The following MYH14 variants were observed in gnomAD, a reference collection of about 807,000 sequenced individuals.
MYH14 encodes the protein myosin heavy chain 14.
In MYH14, 123 loss-of-function variants were observed where a neutral mutation model predicts 255.5. The ratio of observed to expected loss-of-function variants is 0.48; its 90% CI spans 0.42 to 0.56. The LOEUF is 0.56. MYH14 is among the 20% of genes least tolerant of loss of function. The pLI is 0.00. For synonymous variants in MYH14, 1,095 were observed against 1,161.2 expected (o/e 0.94, Z 1.16); for missense variants, 2,423 against 2,802.3 (o/e 0.86, Z 3.06).
chr19:50,232,472 T>C (rs1405354469), intron 10 of MYH14, among the ~76,000 whole-genome samples: 1 of 151,510 alleles, frequency 6.6e-6, no homozygotes, highest in African/African-American at 2.4e-5. Flanking sequence ...TGGGCACCTG[T>C]AATCCCAGCT....
Position 50,260,758 on chromosome 19 carries a change from T to TGC in MYH14, c.2424+44_2424+45insCG, listed in dbSNP as rs1555768401. On this transcript the variant is annotated intron_variant, in intron 20 of 42. Transcript: ENST00000642316. Reference sequence around the variant, plus strand: ...TGGAATGCGTGTGTGCGTGTGTGTGTGTGCGTGCATGAGTGTGCGTGCATG... The same window carrying TGC: ...TGGAATGCGTGTGTGCGTGTGTGTGTGCGTGCGTGCATGAGTGTGCGTGCATG... 121 of 1,452,056 alleles carry TGC rather than the reference T, an allele frequency of 8.3e-5. 1 individual carries two copies. In the East Asian group the frequency reaches 1.4e-3, roughly 16 times the overall value. The allele number at this position is 1,452,056 out of a possible 1,614,324, so 89.9% of individuals were successfully genotyped here. A position where few individuals can be genotyped will look rare whatever the true frequency, so the allele number is the denominator to read the frequency against.
intron 26 of MYH14, among the ~76,000 whole-genome samples, chr19:50,272,302 G>A (rs548358762): frequency 6.6e-6 from 1 of 152,182 alleles, no homozygotes; most frequent in South Asian, 2.1e-4. Context: ...GAGGAGGCAG[G>A]GCTGTAGACA....
At chr19:50,251,805 T>G (rs1424653138) in intron 15 of MYH14, among the ~76,000 whole-genome samples, 1 of 152,180 alleles carries the variant, frequency 6.6e-6, no homozygotes, top group African/African-American at 2.4e-5. Context: ...CTCGAACTCC[T>G]GACCTCAGTT....
intron 35 of MYH14, among the ~76,000 whole-genome samples, chr19:50,290,367 G>A (rs2036031068): frequency 6.6e-6 from 1 of 152,148 alleles, no homozygotes; most frequent in Non-Finnish European, 1.5e-5. Flanking sequence ...TTCAGTCCAG[G>A]AACTTCCCAT....
intron 10 of MYH14, among the ~76,000 whole-genome samples, chr19:50,241,288 AG>A (rs1233163316): frequency 4.6e-5 from 7 of 152,278 alleles, no homozygotes; most frequent in Middle Eastern, 6.8e-3. Flanking sequence ...TACAAAAATT[AG>A]CTGGGCGTGT....
chr19:50,207,312 AG>A (rs2031857857), intron 1 of MYH14, among the ~76,000 whole-genome samples: 1 of 148,248 alleles, frequency 6.7e-6, no homozygotes, highest in Non-Finnish European at 1.5e-5. Flanking sequence ...AGAGAGAGAG[AG>A]ACTAGGGGCA....
Position 50,278,279 on chromosome 19 carries a change from A to G in MYH14, c.4022A>G (p.Gln1341Arg), listed in dbSNP as rs781755990. The change falls in exon 30 of 43, where the codon CAG becomes CGG. Residue 1341 changes from glutamine (Q) to arginine (R), a missense_variant. Gln to Arg is a conservative substitution (Grantham distance 43, BLOSUM62 1). Around this residue, in one of 3 missense-constraint regions of MYH14, gnomAD observed 1,513 missense variants for 1,674.8 expected, o/e 0.90. Coordinates refer to ENST00000642316, the MANE Select transcript of MYH14 (RefSeq NM_001145809.2). ...RARAEAAEKL[Q>R]RAQAELENVS... ...CGAGCGGAGGCTGCTGAGAAGCTGC[A>G]GCGAGCCCAGGTAAGTGGGGTGGGC... 8.4e-6 allele frequency: 13 copies of G among 1,552,302 alleles called. No homozygotes were observed. The highest frequency in any genetic ancestry group is 1.2e-5 in the South Asian group (1 of 84,316).
intron 17 of MYH14, 144 bp downstream of exon 17, chr19:50,255,462 C>T (rs2034559913): frequency 1.5e-6 from 1 of 664,202 alleles, no homozygotes; most frequent in African/African-American, 1.8e-5. Flanking sequence ...TTGTTGGCTC[C>T]CTTGGAAGTT....
intron 21 of MYH14, among the ~76,000 whole-genome samples, chr19:50,263,075 C>A (rs1339374448): frequency 1.3e-5 from 2 of 152,090 alleles, no homozygotes; most frequent in African/African-American, 2.4e-5. Context: ...TGGCACGCAC[C>A]TGTAATCCTA....
At chr19:50,290,812 C>A in intron 35 of MYH14, 75 bp from the exon 36 acceptor site, 1 of 1,457,666 alleles carries the variant, frequency 6.9e-7, no homozygotes, top group Non-Finnish European at 9.2e-7. Flanking sequence ...CCAGGGCAGA[C>A]ATCCATGTCC....
Position 50,230,710 on chromosome 19 carries a change from G to A in MYH14, c.973+87G>A. The A allele has an allele frequency of 9.8e-6, 11 of 1,118,890 alleles. No homozygotes were observed. Among genetic ancestry groups the A allele is most frequent in the Non-Finnish European group, 1.4e-5 (11 of 770,220 alleles). 69.3% of individuals were successfully genotyped at this position (1,118,890 alleles called of 1,614,324 possible). ...GGCCCCTTCTGGGGAGGAAGCAAGA[G>A]TGGGGGGCTCTAATATCCGTCAAAC... On this transcript the variant is annotated intron_variant, in intron 9 of 42. Coordinates refer to ENST00000642316, the MANE Select transcript of MYH14 (RefSeq NM_001145809.2). The surrounding 1 kb of genome is among the most constrained non-coding windows in gnomAD (Gnocchi z 4.7).
rs2035902945 is a variant in MYH14 at position 50,286,701 on chromosome 19, A to C, written c.4752+7A>C. ...GGATGACGTCGGCAAGAGCGTGAGC[A>C]GGGCCCCCGCTCCCCGGGACACACT... On this transcript the variant is annotated splice_region_variant and intron_variant, in intron 34 of 42. Coordinates refer to ENST00000642316, the MANE Select transcript of MYH14 (RefSeq NM_001145809.2). The C allele has an allele frequency of 6.4e-7, 1 of 1,562,248 alleles. No individual in the cohort carries two copies. Among genetic ancestry groups the C allele is most frequent in the South Asian group, 1.2e-5 (1 of 84,844 alleles).
intron 16 of MYH14, among the ~76,000 whole-genome samples, chr19:50,253,687 T>C (rs2034485996): frequency 6.6e-6 from 1 of 152,182 alleles, no homozygotes; most frequent in Non-Finnish European, 1.5e-5. Context: ...CTAGGGGTCA[T>C]AGGCAGAGAT....
In MYH14 at chr19:50,310,068, C is replaced by A; in HGVS notation, c.*278C>A. ...AGTTGGCAAGCTGTGTTTCCATCAGCTCCCTGTCCTCCTTTCTTCCCTCGT... is the reference window on the plus strand; with the variant it reads ...AGTTGGCAAGCTGTGTTTCCATCAGATCCCTGTCCTCCTTTCTTCCCTCGT... On this transcript the variant is annotated 3_prime_UTR_variant, in exon 43 of 43. Coordinates refer to ENST00000642316, the MANE Select transcript of MYH14 (RefSeq NM_001145809.2). The A allele has an allele frequency of 1.8e-6, 1 of 551,354 alleles. No individual in the cohort carries two copies. 34.2% of individuals were successfully genotyped at this position (551,354 alleles called of 1,614,324 possible).
rs2032807374 is a variant in MYH14 at position 50,221,322 on chromosome 19, C to T, written c.563-1761C>T. ...GTCACGCAGCAAGTCAGAGAGGCAGCCGGGCGGTGAACCTGTGTGCATATA... is the reference window on the plus strand; with the variant it reads ...GTCACGCAGCAAGTCAGAGAGGCAGTCGGGCGGTGAACCTGTGTGCATATA... On this transcript the variant is annotated intron_variant, in intron 3 of 42. Transcript: ENST00000642316. The surrounding 1 kb of genome is among the most constrained non-coding windows in gnomAD (Gnocchi z 5.3). Among the ~76,000 whole-genome samples, 1 of 152,078 alleles carries T rather than the reference C, an allele frequency of 6.6e-6. No homozygotes were observed. The highest frequency in any genetic ancestry group is 2.4e-5 in the African/African-American group (1 of 41,402).
chr19:50,226,657 G>A (rs1227674187), intron 7 of MYH14, among the ~76,000 whole-genome samples: 1 of 152,124 alleles, frequency 6.6e-6, no homozygotes, highest in Non-Finnish European at 1.5e-5. Context: ...TGCGTGCCTA[G>A]TTCCAAGGGA....
In MYH14 at chr19:50,230,696, G is replaced by A. The variant is rs1041609591; in HGVS notation, c.973+73G>A. ...CCATGTCTCTCGGGGGCCCCTTCTG[G>A]GGAGGAAGCAAGAGTGGGGGGCTCT... On this transcript the variant is annotated intron_variant, in intron 9 of 42. Coordinates refer to ENST00000642316, the MANE Select transcript of MYH14 (RefSeq NM_001145809.2). This position sits in a 1 kb window ranked among gnomAD's most constrained non-coding sequence, Gnocchi z 4.7. 2.2e-6 allele frequency: 3 copies of A among 1,335,330 alleles called. No individual in the cohort carries two copies. The African/African-American group carries it at 4.4e-5, about 19-fold the overall frequency. 82.7% of individuals were successfully genotyped at this position (1,335,330 alleles called of 1,614,324 possible).
chr19:50,207,052 GAAAAAAAAAAAAAAA>G (rs11334892), intron 1 of MYH14, among the ~76,000 whole-genome samples: 2 of 38,624 alleles, frequency 5.2e-5, no homozygotes, highest in African/African-American at 9.0e-5. Context: ...GTTTCTACCA[GAAAAAAAAAAAAAAA>G]AAAAAAAAAA....
chr19:50,300,984 T>C lies in MYH14; in HGVS notation c.5470-677T>C, dbSNP rs575560211. Among the ~76,000 whole-genome samples, 5 of 151,612 alleles carry C rather than the reference T, an allele frequency of 3.3e-5. No individual in the cohort carries two copies. The East Asian group carries it at 9.7e-4, about 29-fold the overall frequency. ...AAAAACCCCACAAAGGAGAATATGC[T>C]AATTACCCAGTCATTGTGTCCCTGC... On this transcript the variant is annotated intron_variant, in intron 39 of 42. Coordinates refer to ENST00000642316, the MANE Select transcript of MYH14 (RefSeq NM_001145809.2).
Sources: allele counts gnomAD v4.1 joint callset (sites outside exome capture counted in the v4.1 genomes callset), GRCh38; gene constraint gnomAD v4.1.1; regional missense constraint gnomAD v4.1.1; non-coding constraint Gnocchi (gnomAD v3.1); transcripts MANE v1.5; gene names NCBI Gene and HGNC (gene_info 2026-07-23, HGNC 2026-07-21).